The following UNC13C variants were observed in gnomAD, a reference collection of about 807,000 sequenced individuals.
UNC13C encodes unc-13 homolog C.
UNC13C carries 174 observed loss-of-function variants against 245.4 expected under a neutral mutation model. The observed-to-expected ratio is 0.71, with a 90% CI of 0.63 to 0.80. The LOEUF is 0.80. Among genes scored for constraint, UNC13C ranks in the 30% least tolerant of loss-of-function variants. The pLI, the probability that UNC13C is intolerant of heterozygous loss-of-function variation, is 0.00. For missense variants in UNC13C, 2,829 were observed against 2,602.9 expected (o/e 1.09, Z -1.89); for synonymous variants, 992 against 895.1 (o/e 1.11, Z -1.93).
chr15:54,428,640 C>G (rs1178061083), intron 19 of UNC13C, among the ~76,000 whole-genome samples: 2 of 151,508 alleles, frequency 1.3e-5, no homozygotes, highest in African/African-American at 4.8e-5. Context: ...ACCCTAGCAT[C>G]TAGAGAAGAA....
upstream of UNC13C, among the ~76,000 whole-genome samples, chr15:53,973,585 TA>T (rs34383212): frequency 1.2e-4 from 18 of 147,766 alleles, no homozygotes; most frequent in Non-Finnish European, 1.6e-4. Context: ...TCAACAAAAT[TA>T]AAAAAAAAAA....
intron 30 of UNC13C, among the ~76,000 whole-genome samples, chr15:54,604,577 T>C (rs1161066764): frequency 1.3e-5 from 2 of 152,200 alleles, no homozygotes; most frequent in East Asian, 1.9e-4. Flanking sequence ...ATTCTAAATA[T>C]TGATTCCAGA....
At chr15:53,915,218 T>C in the UNC13C span, among the ~76,000 whole-genome samples, 2 of 152,202 alleles carry the variant, frequency 1.3e-5, no homozygotes, top group African/African-American at 4.8e-5. Flanking sequence ...TTTTTGTTTT[T>C]CTGTTTAAAA....
intron 12 of UNC13C, among the ~76,000 whole-genome samples, chr15:54,298,666 G>A (rs1344841162): frequency 6.6e-6 from 1 of 152,120 alleles, no homozygotes; most frequent in Non-Finnish European, 1.5e-5. Flanking sequence ...TTGTGTCTCA[G>A]TAGAGAAGCA....
chr15:54,007,805 T>G (rs1055266577), intron 1 of UNC13C, among the ~76,000 whole-genome samples: 8 of 152,144 alleles, frequency 5.3e-5, no homozygotes, highest in Admixed American at 5.2e-4. Flanking sequence ...CATATTTCTA[T>G]ACCAAAGACA....
intron 10 of UNC13C, among the ~76,000 whole-genome samples, chr15:54,278,584 T>G (rs2036895722): frequency 6.6e-6 from 1 of 152,130 alleles, no homozygotes; most frequent in Non-Finnish European, 1.5e-5. Flanking sequence ...CTTCTCTCCA[T>G]CTCCCCGACA....
chr15:54,628,687 A>G (rs996237095), downstream of UNC13C: 1 of 152,378 alleles, frequency 6.6e-6, no homozygotes, highest in Non-Finnish European at 1.5e-5. Context: ...GGCTCTTTTG[A>G]CCATATGTAA....
intron 19 of UNC13C, among the ~76,000 whole-genome samples, chr15:54,448,916 T>G (rs1193080340): frequency 6.6e-6 from 1 of 152,216 alleles, no homozygotes; most frequent in East Asian, 1.9e-4. Context: ...CTGGTACCGG[T>G]TGTTCCTTTC....
At chr15:54,233,352 C>G (rs2035603264) in intron 4 of UNC13C, among the ~76,000 whole-genome samples, 1 of 152,020 alleles carries the variant, frequency 6.6e-6, no homozygotes, top group South Asian at 2.1e-4. Flanking sequence ...CACACGTATT[C>G]TATTTCTTTA....
the UNC13C span, among the ~76,000 whole-genome samples, chr15:53,883,477 A>T: frequency 6.6e-6 from 1 of 152,192 alleles, no homozygotes; most frequent in Admixed American, 6.5e-5. Flanking sequence ...GGGGTTCAAG[A>T]GTTACTTTAA....
intron 7 of UNC13C, among the ~76,000 whole-genome samples, chr15:54,237,939 T>C (rs1020700721): frequency 6.6e-6 from 1 of 152,172 alleles, no homozygotes; most frequent in African/African-American, 2.4e-5. Context: ...GCTTCCCTGT[T>C]ATTCTCCCTG....
intron 19 of UNC13C, among the ~76,000 whole-genome samples, chr15:54,445,247 G>T (rs1890743452): frequency 6.6e-6 from 1 of 151,978 alleles, no homozygotes; most frequent in South Asian, 2.1e-4. Context: ...CCAAGTCTTT[G>T]CTATTGTGAA....
At chr15:53,988,901 T>G (rs1894261564) in intron 1 of UNC13C, among the ~76,000 whole-genome samples, 1 of 151,988 alleles carries the variant, frequency 6.6e-6, no homozygotes, top group Non-Finnish European at 1.5e-5. Flanking sequence ...AAATATTTAT[T>G]GTGTGAATGA....
chr15:54,280,159 G>C (rs2036938016), intron 10 of UNC13C, among the ~76,000 whole-genome samples: 1 of 151,948 alleles, frequency 6.6e-6, no homozygotes, highest in African/African-American at 2.4e-5. Flanking sequence ...GGGGTTCTGT[G>C]GTTCTGTGTA....
Position 54,264,221 on chromosome 15 carries a change from AT to A in UNC13C, c.3504del (p.Thr1169GlnfsTer3). On this transcript the variant is annotated frameshift_variant, in exon 9 of 33. Coordinates refer to ENST00000260323, the MANE Select transcript of UNC13C (RefSeq NM_001080534.3). LOFTEE classifies it high-confidence loss of function. Reference protein sequence around the residue: ...HGAEDKTQTIITAMKERMKIR... With the variant: ...HGAEDKTQTIXTAMKERMKIR... The stretch of plus-strand genomic sequence containing the variant: ...TGCCGAAGACAAGACTCAGACCATT[AT>A]TACAGCAATGAAAGAAAGAATGAAG... 1 of 1,594,712 alleles carries A rather than the reference AT, an allele frequency of 6.3e-7. No homozygotes were observed. Among genetic ancestry groups the A allele is most frequent in the Non-Finnish European group, 8.5e-7 (1 of 1,169,928 alleles).
chr15:54,394,894 T>G (rs1164882484), intron 18 of UNC13C, among the ~76,000 whole-genome samples: 1 of 151,930 alleles, frequency 6.6e-6, no homozygotes. Flanking sequence ...GAAACTGGAA[T>G]AAATACGTTT....
chr15:54,254,987 C>G (rs1043679290), intron 8 of UNC13C, among the ~76,000 whole-genome samples: 2 of 152,154 alleles, frequency 1.3e-5, no homozygotes, highest in African/African-American at 4.8e-5. Context: ...AGGAAAAGTT[C>G]CCATGTCCTC....
chr15:54,616,786 G>A (rs1328120828), intron 30 of UNC13C, among the ~76,000 whole-genome samples: 2 of 151,874 alleles, frequency 1.3e-5, no homozygotes, highest in East Asian at 1.9e-4. Context: ...GTCTGCAGGG[G>A]GTACAATAAT....
At chr15:54,448,082 T>G (rs7167030) in intron 19 of UNC13C, among the ~76,000 whole-genome samples, 13,571 of 152,170 alleles carry the variant, frequency 0.089, 762 homozygotes, top group African/African-American at 0.16. Flanking sequence ...AGTTGAGCGG[T>G]TTTGAGTGAG....
Sources: gnomAD v4.1 joint callset for allele counts (sites outside exome capture counted in the v4.1 genomes callset) on GRCh38, gnomAD v4.1.1 for gene constraint, MANE v1.5 for transcripts, NCBI Gene and HGNC (gene_info 2026-07-23, HGNC 2026-07-21) for gene names.